DIP2C: variants seen among roughly 807,000 people sequenced by gnomAD.
DIP2C encodes the protein DIP2 acetate--CoA ligase C (putative).
A neutral mutation model predicts 192.4 loss-of-function variants in DIP2C; 33 were observed. The observed-to-expected ratio is 0.17, with a 90% CI of 0.13 to 0.23. The LOEUF (loss-of-function observed/expected upper bound fraction) is 0.23, where lower values mean the gene tolerates loss of function less well. Among genes scored for constraint, DIP2C ranks in the 10% least tolerant of loss-of-function variants. The pLI is 1.00. For missense variants in DIP2C, 1,537 were observed against 2,110.1 expected, an observed-to-expected ratio of 0.73 and a Z score of 5.32; for synonymous variants, 979 against 864.1, an observed-to-expected ratio of 1.13 and a Z score of -2.33.
intron 4 of DIP2C, among the ~76,000 whole-genome samples, chr10:433,437 G>A (rs1479512082): frequency 6.6e-6 from 1 of 152,094 alleles, no homozygotes; most frequent in Non-Finnish European, 1.5e-5. Flanking sequence ...AGCACTTTAG[G>A]AGGCCGAGGC....
rs183225719 is a variant in DIP2C, at chr10:515,335, T to C, written c.86-28805A>G. Among the ~76,000 whole-genome samples the C allele has an allele frequency of 2.2e-3, 338 of 152,350 alleles. 2 individuals carry two copies. The highest frequency in any genetic ancestry group is 0.014 in the Middle Eastern group (4 of 294). ...TATTTTTAACATATGCATAGTTATT[T>C]ACCTAGCTGAAGTACATCCCTCTCC... On this transcript the variant is annotated intron_variant, in intron 1 of 36. Transcript: ENST00000280886.
At chr10:446,746 C>T (rs1279002552) in intron 3 of DIP2C, among the ~76,000 whole-genome samples, 1 of 152,192 alleles carries the variant, frequency 6.6e-6, no homozygotes, top group Non-Finnish European at 1.5e-5. Flanking sequence ...GAGAAAGATC[C>T]CTTCTGTTCC....
chr10:504,276 A>T (rs1424448353), intron 1 of DIP2C, among the ~76,000 whole-genome samples: 1 of 152,236 alleles, frequency 6.6e-6, no homozygotes, highest in Non-Finnish European at 1.5e-5. Context: ...ACGCTGGAAG[A>T]GGCACGCAAG....
At chr10:367,497 T>C (rs1457550117) in intron 18 of DIP2C, among the ~76,000 whole-genome samples, 1 of 151,610 alleles carries the variant, frequency 6.6e-6, no homozygotes, top group African/African-American at 2.4e-5. Flanking sequence ...AAAAGTCAGG[T>C]AACACGGTGG....
intron 1 of DIP2C, among the ~76,000 whole-genome samples, chr10:577,395 CCTTT>C (rs1175089089): frequency 2.0e-5 from 3 of 152,110 alleles, no homozygotes; most frequent in African/African-American, 7.2e-5. Flanking sequence ...AAGTCAGTAC[CCTTT>C]CTATGTGGCC....
intron 1 of DIP2C, chr10:665,754 G>T (rs550069721): frequency 1.3e-5 from 2 of 152,228 alleles, no homozygotes; most frequent in East Asian, 3.9e-4. Flanking sequence ...CTCCTCAGCC[G>T]CTTTCCCAAA....
chr10:459,047 C>T (rs1159647673), intron 3 of DIP2C, among the ~76,000 whole-genome samples: 1 of 150,762 alleles, frequency 6.6e-6, no homozygotes, highest in Non-Finnish European at 1.5e-5. Context: ...AACTCTTTGA[C>T]CCAAAGAGCA....
At chr10:478,833 G>C (rs936523191) in intron 2 of DIP2C, among the ~76,000 whole-genome samples, 1 of 152,178 alleles carries the variant, frequency 6.6e-6, no homozygotes, top group Non-Finnish European at 1.5e-5. Context: ...GTCCGGGCGT[G>C]CTGGGGGTGC....
rs1380171737 is a variant in DIP2C at position 652,350 on chromosome 10, G to A, written c.85+37144C>T. ...AGCCTGGGCTCACCTCCCAGCCCGA[G>A]GCTGAGAACTGAGTTCCAGTCCCGG... On this transcript the variant is annotated intron_variant, in intron 1 of 36. Coordinates refer to ENST00000280886, the MANE Select transcript of DIP2C (RefSeq NM_014974.3). This position sits in a 1 kb window ranked among gnomAD's most constrained non-coding sequence, Gnocchi z 4.5. 1.0e-5 allele frequency: 2 copies of A among 197,660 alleles called. No individual in the cohort carries two copies. Among genetic ancestry groups the A allele is most frequent in the Non-Finnish European group, 2.1e-5 (2 of 94,108 alleles). The allele number at this position is 197,660 out of a possible 1,614,324, so 12.2% of individuals were successfully genotyped here. A position where few individuals can be genotyped will look rare whatever the true frequency, so the allele number is the denominator to read the frequency against.
intron 29 of DIP2C, among the ~76,000 whole-genome samples, chr10:334,304 CAAA>C (rs35031456): frequency 7.3e-5 from 6 of 82,416 alleles, no homozygotes; most frequent in Admixed American, 3.7e-4. Context: ...AAGACTGTCT[CAAA>C]AAAAAAAAAA....
intron 18 of DIP2C, 139 bp from the exon 19 acceptor site, chr10:366,550 C>T: frequency 1.7e-6 from 2 of 1,180,244 alleles, no homozygotes; most frequent in Non-Finnish European, 2.4e-6. Flanking sequence ...TGGTAGTCAG[C>T]CAGGCACTCA....
intron 1 of DIP2C, among the ~76,000 whole-genome samples, chr10:536,964 T>C (rs573668209): frequency 6.6e-6 from 1 of 152,328 alleles, no homozygotes; most frequent in African/African-American, 2.4e-5. Flanking sequence ...CCACCCATTT[T>C]GTAGTCATAG....
intron 1 of DIP2C, among the ~76,000 whole-genome samples, chr10:622,781 G>T (rs1316687840): frequency 6.6e-6 from 1 of 152,164 alleles, no homozygotes; most frequent in East Asian, 1.9e-4. Context: ...TCTAACTCCA[G>T]GTGGGAATGT....
chr10:551,902 C>A (rs1010418033), intron 1 of DIP2C, among the ~76,000 whole-genome samples: 1 of 152,226 alleles, frequency 6.6e-6, no homozygotes, highest in Non-Finnish European at 1.5e-5. Context: ...GCTGCAGGCC[C>A]CTGCCGTGGT....
chr10:625,801 C>T lies in DIP2C; in HGVS notation c.85+63693G>A, dbSNP rs867086768. Among the ~76,000 whole-genome samples, 15 of 152,238 alleles carry T rather than the reference C, an allele frequency of 9.9e-5. 1 individual carries two copies. In the Middle Eastern group the frequency reaches 0.014, roughly 139 times the overall value. On this transcript the variant is annotated intron_variant, in intron 1 of 36. Transcript: ENST00000280886. ...CTAAGACACAAAGGTAAAGAAGTAA[C>T]CTGAAACTGCATATTATAAAACTTA... is the stretch of plus-strand genomic sequence containing the variant.
rs188335700 is a variant in DIP2C at position 641,358 on chromosome 10, G to T, written c.85+48136C>A. On this transcript the variant is annotated intron_variant, in intron 1 of 36. Transcript: ENST00000280886. ...CAACCTATTCCTGCACTCAGACCCC[G>T]CCAGGAACGAGGGCACCGGCCCGCA... Among the ~76,000 whole-genome samples, 283 of 152,232 alleles carry T rather than the reference G, an allele frequency of 1.9e-3. 1 individual carries two copies. Among genetic ancestry groups the T allele is most frequent in the Non-Finnish European group, 3.6e-3 (244 of 68,016 alleles).
intron 4 of DIP2C, among the ~76,000 whole-genome samples, chr10:429,712 G>C (rs549184983): frequency 6.6e-6 from 1 of 151,870 alleles, no homozygotes; most frequent in Admixed American, 6.6e-5. Context: ...TCTATGGAGA[G>C]CTCATTTATT....
intron 1 of DIP2C, among the ~76,000 whole-genome samples, chr10:662,467 C>G (rs1023944207): frequency 1.3e-5 from 2 of 152,216 alleles, no homozygotes; most frequent in Non-Finnish European, 2.9e-5. Flanking sequence ...CAGGCTGCAC[C>G]CCCACAGCTG....
chr10:380,954 C>T (rs1462012347), intron 17 of DIP2C, among the ~76,000 whole-genome samples: 2 of 152,202 alleles, frequency 1.3e-5, no homozygotes, highest in African/African-American at 4.8e-5. Flanking sequence ...CTGAAACCCC[C>T]GCACAGAGGG....
Sources: allele counts gnomAD v4.1 joint callset (sites outside exome capture counted in the v4.1 genomes callset), GRCh38; gene constraint gnomAD v4.1.1; non-coding constraint Gnocchi (gnomAD v3.1); transcripts MANE v1.5; gene names NCBI Gene and HGNC (gene_info 2026-07-23, HGNC 2026-07-21).